Variants in PTPRG observed in about 807,000 individuals in gnomAD.
PTPRG encodes the protein protein tyrosine phosphatase receptor type G.
In PTPRG, 102 loss-of-function variants were observed where a neutral mutation model predicts 165.3. The observed-to-expected ratio is 0.62, with a 90% CI of 0.53 to 0.73. The LOEUF (loss-of-function observed/expected upper bound fraction) is 0.73. PTPRG is among the 30% of genes least tolerant of loss of function. PTPRG has a pLI of 0.00. For synonymous variants in PTPRG, 675 were observed against 669.5 expected (o/e 1.01, Z -0.13); for missense variants, 1,866 against 1,861.4 (o/e 1.00, Z -0.05).
chr3:61,666,741 C>T (rs1372926065), intron 1 of PTPRG, among the ~76,000 whole-genome samples: 4 of 152,164 alleles, frequency 2.6e-5, no homozygotes, highest in Non-Finnish European at 2.9e-5. Flanking sequence ...TCCTGTTCAT[C>T]GTAGGGTGTT....
intron 2 of PTPRG, among the ~76,000 whole-genome samples, chr3:61,906,296 TA>T (rs544988767): frequency 5.7e-4 from 84 of 146,960 alleles, no homozygotes; most frequent in African/African-American, 1.8e-3. Flanking sequence ...CTACTAAAAA[TA>T]AAAAAAAAAT....
chr3:61,971,236 G>A (rs13098108), intron 2 of PTPRG, among the ~76,000 whole-genome samples: 34,866 of 152,058 alleles, frequency 0.23, 4,483 homozygotes, highest in African/African-American at 0.33. Flanking sequence ...TGTATTTTTA[G>A]TAGAGATTGG....
chr3:62,248,226 A>AT (rs1701333586), intron 15 of PTPRG, among the ~76,000 whole-genome samples: 1 of 152,194 alleles, frequency 6.6e-6, no homozygotes, highest in Non-Finnish European at 1.5e-5. Flanking sequence ...TATCAGATAG[A>AT]TTTTGAATGG....
At chr3:61,564,589 C>A (rs1699860734) in intron 1 of PTPRG, among the ~76,000 whole-genome samples, 1 of 152,150 alleles carries the variant, frequency 6.6e-6, no homozygotes, top group Non-Finnish European at 1.5e-5. Context: ...GGGAAGAGGG[C>A]GGTTTGGTTT....
rs2037208190 is a variant in PTPRG at position 61,859,695 on chromosome 3, A to G, written c.190+110713A>G. The stretch of plus-strand genomic sequence containing the variant: ...ACAGAAAGGCAAGCAAATGACCCCC[A>G]TATTGAACTGCTGGAGAACTTATGA... On this transcript the variant is annotated intron_variant, in intron 2 of 29. Transcript: ENST00000474889. 2.6e-5 allele frequency among the ~76,000 whole-genome samples: 4 copies of G among 152,080 alleles called. No individual in the cohort carries two copies. In the South Asian group the frequency reaches 8.3e-4, roughly 32 times the overall value.
intron 2 of PTPRG, among the ~76,000 whole-genome samples, chr3:61,892,636 G>A (rs1338467789): frequency 1.3e-5 from 2 of 152,098 alleles, no homozygotes; most frequent in Admixed American, 1.3e-4. Flanking sequence ...GACCAACATG[G>A]AGAAACCCCT....
intron 11 of PTPRG, among the ~76,000 whole-genome samples, chr3:62,202,162 C>T (rs1293952048): frequency 6.6e-6 from 1 of 152,158 alleles, no homozygotes; most frequent in African/African-American, 2.4e-5. Context: ...ATGTGTCCAG[C>T]ATCACCCAGC....
intron 1 of PTPRG, among the ~76,000 whole-genome samples, chr3:61,661,133 C>T (rs972155499): frequency 6.6e-6 from 1 of 151,808 alleles, no homozygotes; most frequent in African/African-American, 2.4e-5. Flanking sequence ...AGTGCAGTGG[C>T]ATGCTCCTAG....
At chr3:61,749,157 A>C (rs1217212358) in intron 2 of PTPRG, 175 bp downstream of exon 2, 2 of 699,660 alleles carry the variant, frequency 2.9e-6, no homozygotes, top group Non-Finnish European at 5.2e-6. Context: ...TAAGCACCTT[A>C]ATTTATCTCT....
chr3:62,282,469 A>G (rs1488532972), intron 27 of PTPRG, among the ~76,000 whole-genome samples: 1 of 151,096 alleles, frequency 6.6e-6, no homozygotes, highest in Non-Finnish European at 1.5e-5. Flanking sequence ...GCCTCAAGCA[A>G]TCCTCCCACC....
chr3:61,615,262 G>T (rs530481014), intron 1 of PTPRG, among the ~76,000 whole-genome samples: 1 of 152,200 alleles, frequency 6.6e-6, no homozygotes. Context: ...TTAGAATCAC[G>T]TGTCTGTTGT....
chr3:61,802,520 A>C (rs2035280733), intron 2 of PTPRG, among the ~76,000 whole-genome samples: 1 of 152,198 alleles, frequency 6.6e-6, no homozygotes, highest in African/African-American at 2.4e-5. Flanking sequence ...TTCTTAGGTA[A>C]AGTTGGCCAG....
At chr3:61,845,440 C>A (rs762278134) in intron 2 of PTPRG, among the ~76,000 whole-genome samples, 1 of 152,218 alleles carries the variant, frequency 6.6e-6, no homozygotes, top group Non-Finnish European at 1.5e-5. Flanking sequence ...AATGTTTCCA[C>A]TGGGAAGATG....
intron 28 of PTPRG, among the ~76,000 whole-genome samples, chr3:62,285,045 C>A (rs1398208214): frequency 4.6e-5 from 7 of 151,996 alleles, no homozygotes; most frequent in Admixed American, 3.9e-4. Flanking sequence ...GACAACCATA[C>A]CAGATAAATG....
rs1248554695 is a variant in PTPRG at position 62,048,578 on chromosome 3, A to T, written c.520-29585A>T. Among the ~76,000 whole-genome samples, 5 of 152,338 alleles carry T rather than the reference A, an allele frequency of 3.3e-5. No individual in the cohort carries two copies. In the East Asian group the frequency reaches 5.8e-4, roughly 18 times the overall value. ...ATCCACCAGAAGGGCAACCTTTTTTATATAAACTTATCTCTTCTTACTACC... is the reference window on the plus strand; with the variant it reads ...ATCCACCAGAAGGGCAACCTTTTTTTTATAAACTTATCTCTTCTTACTACC... On this transcript the variant is annotated intron_variant, in intron 4 of 29. Transcript: ENST00000474889.
chr3:62,206,522 C>T (rs1037165516), intron 12 of PTPRG, among the ~76,000 whole-genome samples: 8 of 152,148 alleles, frequency 5.3e-5, no homozygotes, highest in Admixed American at 5.2e-4. Flanking sequence ...TAGGAGCTGT[C>T]AGCAGCCCAG....
chr3:61,621,051 A>ATATATATATATATATGTGTGTG, intron 1 of PTPRG, among the ~76,000 whole-genome samples: 17 of 117,978 alleles, frequency 1.4e-4, no homozygotes, highest in South Asian at 2.9e-4. Context: ...ATATATATAT[A>ATATATATATATATATGTGTGTG]TGTGTGTGTG....
At chr3:61,654,308 G>T (rs1702448909) in intron 1 of PTPRG, among the ~76,000 whole-genome samples, 1 of 152,102 alleles carries the variant, frequency 6.6e-6, no homozygotes, top group Non-Finnish European at 1.5e-5. Context: ...GATATAGGTG[G>T]AATTTTGTTA....
At chr3:61,793,292 A>C (rs2034944302) in intron 2 of PTPRG, among the ~76,000 whole-genome samples, 1 of 152,174 alleles carries the variant, frequency 6.6e-6, no homozygotes, top group African/African-American at 2.4e-5. Flanking sequence ...TGGTGTACCT[A>C]GCCAAAGTGG....
Sources: gnomAD v4.1 joint callset for allele counts (sites outside exome capture counted in the v4.1 genomes callset) on GRCh38, gnomAD v4.1.1 for gene constraint, MANE v1.5 for transcripts, NCBI Gene and HGNC (gene_info 2026-07-23, HGNC 2026-07-21) for gene names.